DTX2: variants seen among roughly 807,000 people sequenced by gnomAD.
DTX2 encodes deltex E3 ubiquitin ligase 2.
DTX2 carries 29 observed loss-of-function variants against 55.3 expected under a neutral mutation model. The ratio of observed to expected loss-of-function variants is 0.52; its 90% CI spans 0.39 to 0.71. The LOEUF is 0.71. Ranked by LOEUF, DTX2 falls within the 30% of genes least tolerant of loss-of-function variation. The pLI is 0.00. For missense variants in DTX2, 537 were observed against 822.5 expected (o/e 0.65, Z 4.25); for synonymous variants, 276 against 340.4 (o/e 0.81, Z 2.08).
chr7:76,474,376 G>A (rs1448087590), intron 2 of DTX2, among the ~76,000 whole-genome samples: 1 of 151,972 alleles, frequency 6.6e-6, no homozygotes, highest in Non-Finnish European at 1.5e-5. Flanking sequence ...TTGACGGACA[G>A]CATATAATCA....
intron 2 of DTX2, among the ~76,000 whole-genome samples, chr7:76,479,896 T>C (rs1045505047): frequency 3.3e-5 from 5 of 150,902 alleles, no homozygotes; most frequent in African/African-American, 1.2e-4. Context: ...TCTTTCTTCA[T>C]GGGCCTGTGC....
intron 3 of DTX2, among the ~76,000 whole-genome samples, chr7:76,481,989 T>C (rs547701065): frequency 6.6e-6 from 1 of 152,186 alleles, no homozygotes; most frequent in South Asian, 2.1e-4. Flanking sequence ...CGAGCCGTCA[T>C]GCCCAGCCCT....
chr7:76,469,856 T>G (rs529552382), intron 2 of DTX2, among the ~76,000 whole-genome samples: 1,555 of 151,878 alleles, frequency 0.01, 11 homozygotes, highest in Non-Finnish European at 0.017. Context: ...TGGATATCCT[T>G]GGGCAAGCTG....
rs769680630 is a variant in DTX2 at position 76,505,884 on chromosome 7, G to A, written c.*283G>A. The A allele has an allele frequency of 2.8e-5, 16 of 566,108 alleles. No homozygotes were observed. The highest frequency in any genetic ancestry group is 4.1e-5 in the Non-Finnish European group (13 of 314,256). The allele number at this position is 566,108 out of a possible 1,614,324, so 35.1% of individuals were successfully genotyped here. A position where few individuals can be genotyped will look rare whatever the true frequency, so the allele number is the denominator to read the frequency against. ...GGGCTGCTTCGGGCCCGCGGTGCTC[G>A]GGGCCTGGTGTGGGGCGAGTAGAGA... is the stretch of plus-strand genomic sequence containing the variant. On this transcript the variant is annotated 3_prime_UTR_variant, in exon 11 of 11. Coordinates refer to ENST00000430490, the MANE Select transcript of DTX2 (RefSeq NM_001102594.3). The surrounding 1 kb of genome is among the most constrained non-coding windows in gnomAD (Gnocchi z 4.4).
chr7:76,466,410 A>G (rs1275024554), intron 2 of DTX2, among the ~76,000 whole-genome samples: 1 of 118,226 alleles, frequency 8.5e-6, no homozygotes, highest in Admixed American at 8.6e-5. Context: ...GTATATATCT[A>G]ATCTTTTTTT....
intron 2 of DTX2, among the ~76,000 whole-genome samples, chr7:76,473,317 C>T (rs2116260944): frequency 6.6e-6 from 1 of 150,968 alleles, no homozygotes; most frequent in Non-Finnish European, 1.5e-5. Context: ...AGTGTGTCAG[C>T]TGGTGGGGTG....
At chr7:76,494,341 G>A (rs1324053829) in intron 5 of DTX2, among the ~76,000 whole-genome samples, 1 of 90,972 alleles carries the variant, frequency 1.1e-5, no homozygotes, top group Admixed American at 1.1e-4. Flanking sequence ...TGAAGTCACC[G>A]TGCGGCGCCG....
intron 9 of DTX2, among the ~76,000 whole-genome samples, 186 bp downstream of exon 9, chr7:76,503,773 C>T (rs1277603241): frequency 6.7e-6 from 1 of 150,284 alleles, no homozygotes; most frequent in African/African-American, 2.4e-5. Flanking sequence ...TTAGGGTAAG[C>T]TCTTAGGGCT....
intron 2 of DTX2, among the ~76,000 whole-genome samples, chr7:76,477,845 A>C: frequency 7.0e-6 from 1 of 141,964 alleles, no homozygotes; most frequent in Admixed American, 7.1e-5. Flanking sequence ...AATAAATGTC[A>C]CCTTTTATTA....
At chr7:76,480,956 A>T (rs1210169465) in intron 3 of DTX2, among the ~76,000 whole-genome samples, 179 bp downstream of exon 3, 1 of 152,232 alleles carries the variant, frequency 6.6e-6, no homozygotes, top group East Asian at 1.9e-4. Context: ...AGTGCAGCTC[A>T]CAGTGGGAGA....
At chr7:76,501,469 A>T (rs1352287163) in intron 7 of DTX2, among the ~76,000 whole-genome samples, 1 of 150,984 alleles carries the variant, frequency 6.6e-6, no homozygotes, top group African/African-American at 2.4e-5. Context: ...CCGTCTGCAC[A>T]GCCAGCACGC....
intron 2 of DTX2, among the ~76,000 whole-genome samples, chr7:76,469,497 ATTC>A (rs1197218009): frequency 6.8e-6 from 1 of 146,066 alleles, no homozygotes; most frequent in African/African-American, 2.6e-5. Context: ...GGTTCAAGCA[ATTC>A]TCCTGCCTCA....
intron 7 of DTX2, chr7:76,501,226 G>A (rs1301911494): frequency 6.7e-6 from 3 of 449,700 alleles, no homozygotes; most frequent in African/African-American, 2.0e-5. Flanking sequence ...AAGGCCAGGA[G>A]CCCCAGTACC....
At chr7:76,498,192 C>T (rs1811139232) in intron 6 of DTX2, among the ~76,000 whole-genome samples, 1 of 151,962 alleles carries the variant, frequency 6.6e-6, no homozygotes, top group African/African-American at 2.4e-5. Context: ...TCTGTGTCAT[C>T]TCAGCAGGTC....
At position 76,502,329 on chromosome 7, in the gene DTX2, C is replaced by T. The variant is rs144760720; in HGVS notation, c.1262C>T (p.Thr421Ile). Residue 421 changes from threonine to isoleucine, a missense_variant, in exon 8 of 11, where the codon ACA becomes ATA. Thr to Ile is a moderately conservative substitution (Grantham distance 89). Coordinates refer to ENST00000430490, the MANE Select transcript of DTX2 (RefSeq NM_001102594.3). ...ATCATCTGCATGGAGAAGCTGTCCA[C>T]AGCGTCTGGATACAGCGATGTGACT... is the stretch of plus-strand genomic sequence containing the variant. ...DCIICMEKLS[T>I]ASGYSDVTDS... The T allele has an allele frequency of 1.0e-4, 165 of 1,607,246 alleles. 1 individual carries two copies. The African/African-American group carries it at 2.0e-3, about 20-fold the overall frequency.
chr7:76,493,769 T>G, intron 5 of DTX2, among the ~76,000 whole-genome samples: 2 of 132,496 alleles, frequency 1.5e-5, no homozygotes, highest in South Asian at 2.8e-4. Context: ...GGGGGAGGTT[T>G]GGCTTGAAAC....
chr7:76,503,238 A>G (rs528123625), intron 8 of DTX2, 188 bp from the exon 9 acceptor site: 13 of 646,886 alleles, frequency 2.0e-5, no homozygotes, highest in Middle Eastern at 4.3e-4. Context: ...AAATGGCATG[A>G]GTTGCTGGTG....
At chr7:76,475,457 C>T (rs1584151168) in intron 2 of DTX2, among the ~76,000 whole-genome samples, 2 of 148,824 alleles carry the variant, frequency 1.3e-5, no homozygotes, top group Middle Eastern at 3.4e-3. Flanking sequence ...GAGGCTGAGG[C>T]GGGTGGATCA....
intron 8 of DTX2, chr7:76,502,949 G>A (rs551848891): frequency 3.2e-5 from 7 of 215,398 alleles, no homozygotes; most frequent in South Asian, 3.1e-4. Flanking sequence ...CACATGAAGA[G>A]CCGCGCCCAG....
Sources: allele counts gnomAD v4.1 joint callset (sites outside exome capture counted in the v4.1 genomes callset), GRCh38; gene constraint gnomAD v4.1.1; non-coding constraint Gnocchi (gnomAD v3.1); transcripts MANE v1.5; gene names NCBI Gene and HGNC (gene_info 2026-07-23, HGNC 2026-07-21).